C11orf54: variants seen among roughly 807,000 people sequenced by gnomAD.
C11orf54 encodes beta-keto-L-gulonate decarboxylase.
In C11orf54, 29 loss-of-function variants were observed where a neutral mutation model predicts 35.5. The ratio of observed to expected loss-of-function variants is 0.82; its 90% CI spans 0.61 to 1.11. The LOEUF is 1.11. Ranked by LOEUF, C11orf54 falls within the 50% of genes most tolerant of loss-of-function variation. The pLI, the probability that C11orf54 is intolerant of heterozygous loss-of-function variation, is 0.00. For synonymous variants in C11orf54, 108 were observed against 121.1 expected, an observed-to-expected ratio of 0.89 and a Z score of 0.71; for missense variants, 373 against 369.2, an observed-to-expected ratio of 1.01 and a Z score of -0.08.
rs780599730 is a variant in C11orf54, at chr11:93,761,711, AAAG to A, written c.*26_*28del. The A allele has an allele frequency of 1.1e-5, 17 of 1,516,116 alleles. No individual in the cohort carries two copies. Among genetic ancestry groups the A allele is most frequent in the South Asian group, 1.1e-4 (9 of 82,166 alleles). The allele number at this position is 1,516,116 out of a possible 1,614,324, so 93.9% of individuals were successfully genotyped here. A position where few individuals can be genotyped will look rare whatever the true frequency, so the allele number is the denominator to read the frequency against. ...TAAATCAGCTGATACTTATTTAGAA[AAAG>A]AAATAATTAAGGTTAATTAATTGAT... is the stretch of plus-strand genomic sequence containing the variant. On this transcript the variant is annotated 3_prime_UTR_variant, in exon 9 of 9. Transcript: ENST00000354421.
At chr11:93,759,646 TAAAC>T (rs1156838470) in intron 7 of C11orf54, 92 bp from the exon 8 acceptor site, 32 of 529,296 alleles carry the variant, frequency 6.0e-5, no homozygotes, top group Non-Finnish European at 8.3e-5. Context: ...CAAGTATAAT[TAAAC>T]AATAATAATA....
rs201223861 is a variant in C11orf54, at chr11:93,750,928, TGATA to T, written c.154+490_154+493del. Among the ~76,000 whole-genome samples the T allele has an allele frequency of 5.6e-3, 847 of 152,320 alleles. 13 individuals carry two copies. The highest frequency in any genetic ancestry group is 0.019 in the African/African-American group (790 of 41,566). ...AGAAGAATAAAATAATTTGTCAGTA[TGATA>T]GATAGTTAGTTGATGTTTCAGTTTT... On this transcript the variant is annotated intron_variant, in intron 3 of 8. Coordinates refer to ENST00000354421, the MANE Select transcript of C11orf54 (RefSeq NM_001286069.2).
intron 1 of C11orf54, among the ~76,000 whole-genome samples, chr11:93,743,873 G>T (rs979407870): frequency 6.6e-6 from 1 of 152,098 alleles, no homozygotes; most frequent in African/African-American, 2.4e-5. Context: ...CACCAATTAG[G>T]CAGGAAAATA....
Position 93,757,380 on chromosome 11 carries a change from C to A in C11orf54, c.572C>A (p.Thr191Asn), listed in dbSNP as rs1278309864. Residue 191 changes from threonine to asparagine, a missense_variant, in exon 7 of 9, where the codon ACC (threonine) becomes AAC (asparagine). Transcript: ENST00000354421. ...PLNFVTCMRE[T>N]LEKHYGNKPI... is the part of the protein sequence containing the mutation. Reference sequence around the variant, plus strand: ...AACTTTGTGACTTGTATGAGAGAGACCCTGGAAAAACATTATGGAAATAAG... The same window carrying A: ...AACTTTGTGACTTGTATGAGAGAGAACCTGGAAAAACATTATGGAAATAAG... The A allele has an allele frequency of 6.3e-7, 1 of 1,598,074 alleles. No homozygotes were observed. The highest frequency in any genetic ancestry group is 8.5e-7 in the Non-Finnish European group (1 of 1,179,696).
chr11:93,755,087 T>G, intron 5 of C11orf54, 123 bp from the exon 6 acceptor site: 1 of 993,290 alleles, frequency 1.0e-6, no homozygotes, highest in Admixed American at 2.9e-5. Flanking sequence ...TTATGTATTT[T>G]ATGTTCTCTT....
intron 7 of C11orf54, among the ~76,000 whole-genome samples, chr11:93,757,866 C>T (rs991156745): frequency 6.6e-6 from 1 of 152,132 alleles, no homozygotes; most frequent in Non-Finnish European, 1.5e-5. Context: ...GGGAATTCTA[C>T]ATTTGAAGAC....
chr11:93,750,388 T>C lies in C11orf54; in HGVS notation c.98T>C (p.Val33Ala), dbSNP rs751037571. ...GLKDNFADVQ[V>A]SVVDCPDLTK... ...AAAGATAACTTTGCTGATGTCCAGG[T>C]CTCTGTAGTTGATTGCCCTGATTTG... The change falls in exon 3 of 9, where the codon GTC (valine) becomes GCC (alanine). Residue 33 changes from valine to alanine, a missense_variant. Transcript: ENST00000354421. 4 of 1,613,896 alleles carry C rather than the reference T, an allele frequency of 2.5e-6. No individual in the cohort carries two copies. The highest frequency in any genetic ancestry group is 3.4e-6 in the Non-Finnish European group (4 of 1,179,866).
intron 1 of C11orf54, chr11:93,746,090 A>G (rs1942455800): frequency 6.6e-6 from 1 of 152,244 alleles, no homozygotes; most frequent in South Asian, 2.1e-4. Flanking sequence ...TAAAGTAAAT[A>G]TAACATCCTA....
chr11:93,755,511 G>A (rs1022685887), intron 6 of C11orf54, 125 bp downstream of exon 6: 5 of 1,040,668 alleles, frequency 4.8e-6, no homozygotes, highest in Non-Finnish European at 6.8e-6. Context: ...AGGCCAAGCT[G>A]GGTGGATAAC....
intron 7 of C11orf54, among the ~76,000 whole-genome samples, chr11:93,759,295 C>G (rs1448505495): frequency 2.0e-5 from 3 of 152,290 alleles, no homozygotes; most frequent in African/African-American, 7.2e-5. Context: ...TACATATACA[C>G]CATGGAATAC....
At chr11:93,754,063 T>C (rs1374685412) in intron 5 of C11orf54, 26 bp downstream of exon 5, 40 of 1,579,842 alleles carry the variant, frequency 2.5e-5, no homozygotes, top group Non-Finnish European at 3.3e-5. Flanking sequence ...AAAATTATTT[T>C]ACTTTATTGG....
At chr11:93,755,531 A>C (rs568964048) in intron 6 of C11orf54, 145 bp downstream of exon 6, 5 of 812,760 alleles carry the variant, frequency 6.2e-6, no homozygotes, top group African/African-American at 5.2e-5. Flanking sequence ...CTTGAGGTCA[A>C]CTTGAGGTCA....
intron 7 of C11orf54, among the ~76,000 whole-genome samples, chr11:93,758,409 C>T (rs1390956219): frequency 6.6e-6 from 1 of 152,232 alleles, no homozygotes; most frequent in African/African-American, 2.4e-5. Flanking sequence ...TCCCGCTCCA[C>T]GGAGCAGGCA....
intron 6 of C11orf54, among the ~76,000 whole-genome samples, chr11:93,755,989 A>C (rs1943122393): frequency 6.6e-6 from 1 of 151,928 alleles, no homozygotes; most frequent in Non-Finnish European, 1.5e-5. Context: ...CAACATAGCG[A>C]AACCTCGTCT....
rs1943210385 is a variant in C11orf54, at chr11:93,757,389, A to C, written c.581A>C (p.Lys194Thr). The C allele has an allele frequency of 6.3e-7, 1 of 1,598,182 alleles. No homozygotes were observed. The highest frequency in any genetic ancestry group is 8.5e-7 in the Non-Finnish European group (1 of 1,179,734). The change falls in exon 7 of 9, where the codon AAA becomes ACA. Residue 194 changes from lysine to threonine, a missense_variant. Coordinates refer to ENST00000354421, the MANE Select transcript of C11orf54 (RefSeq NM_001286069.2). ...ACTTGTATGAGAGAGACCCTGGAAA[A>C]ACATTATGGAAATAAGCCTATAGGA... ...FVTCMRETLE[K>T]HYGNKPIGMG...
At chr11:93,749,289 C>G (rs1942675754) in intron 2 of C11orf54, among the ~76,000 whole-genome samples, 1 of 151,918 alleles carries the variant, frequency 6.6e-6, no homozygotes, top group Non-Finnish European at 1.5e-5. Context: ...TGAGAGCCAC[C>G]TGGGCAACAA....
chr11:93,745,440 T>C (rs967983691), intron 1 of C11orf54, among the ~76,000 whole-genome samples: 4 of 152,176 alleles, frequency 2.6e-5, no homozygotes, highest in Non-Finnish European at 4.4e-5. Context: ...TGCAAACATA[T>C]TGTTAACAAG....
intron 3 of C11orf54, among the ~76,000 whole-genome samples, chr11:93,751,820 CTTTT>C (rs35146074): frequency 6.2e-5 from 5 of 80,240 alleles, no homozygotes; most frequent in African/African-American, 4.6e-5. Flanking sequence ...AATGGTTAAT[CTTTT>C]TTTTTTTTTT....
At position 93,764,475 on chromosome 11, in the gene C11orf54, A is replaced by G. The variant is rs1403800360; in HGVS notation, c.*2787A>G. ...TTTAAGTTTCTGTGGTTTTGTGTAC[A>G]TTTCTTACGTTAGGGATTTCAGTTC... On this transcript the variant is annotated 3_prime_UTR_variant, in exon 9 of 9. Transcript: ENST00000354421. 1 of 152,166 alleles carries G rather than the reference A, an allele frequency of 6.6e-6. No homozygotes were observed. Among genetic ancestry groups the G allele is most frequent in the Non-Finnish European group, 1.5e-5 (1 of 68,034 alleles). The allele number at this position is 152,166 out of a possible 1,614,324, so 9.4% of individuals were successfully genotyped here. A position where few individuals can be genotyped will look rare whatever the true frequency, so the allele number is the denominator to read the frequency against.
Sources: allele counts gnomAD v4.1 joint callset (sites outside exome capture counted in the v4.1 genomes callset), GRCh38; gene constraint gnomAD v4.1.1; transcripts MANE v1.5; gene names NCBI Gene and HGNC (gene_info 2026-07-23, HGNC 2026-07-21).